The following DENND2B variants were observed in gnomAD, a reference collection of about 807,000 sequenced individuals.
The protein encoded by DENND2B is DENN domain containing 2B.
Under a neutral mutation model 116.0 loss-of-function variants are expected in DENND2B, and 32 were observed. The ratio of observed to expected loss-of-function variants is 0.28; its 90% confidence interval spans 0.21 to 0.37. The LOEUF is 0.37. Ranked by LOEUF, DENND2B falls within the 10% of genes least tolerant of loss-of-function variation. DENND2B has a pLI of 1.00. For missense variants in DENND2B, 1,276 were observed against 1,477.7 expected, an observed-to-expected ratio of 0.86 and a Z score of 2.24; for synonymous variants, 588 against 583.9, an observed-to-expected ratio of 1.01 and a Z score of -0.10.
At chr11:8,868,220 T>G (rs1317231021) in intron 2 of DENND2B, among the ~76,000 whole-genome samples, 1 of 152,246 alleles carries the variant, frequency 6.6e-6, no homozygotes, top group Admixed American at 6.5e-5. Flanking sequence ...AGACAGGAAT[T>G]GAAACACCCA....
In DENND2B at chr11:8,909,948, A is replaced by G. The variant is rs2064294615; in HGVS notation, c.-256+873T>C. On this transcript the variant is annotated intron_variant, in intron 1 of 22. Coordinates refer to the DENND2B transcript ENST00000534127. The stretch of plus-strand genomic sequence containing the variant: ...TTGCGCTGGGTGGTGCGGCTGAGTC[A>G]CTAATTAGCAGTGAGAGCCTGGGCT... 3.3e-5 allele frequency: 5 copies of G among 152,162 alleles called. No individual in the cohort carries two copies. The South Asian group carries it at 1.0e-3, about 32-fold the overall frequency. 9.4% of individuals were successfully genotyped at this position (152,162 alleles called of 1,614,324 possible).
chr11:8,860,036 T>C (rs1052074364), intron 2 of DENND2B, among the ~76,000 whole-genome samples: 1 of 151,864 alleles, frequency 6.6e-6, no homozygotes, highest in African/African-American at 2.4e-5. Flanking sequence ...GCATCAAAAC[T>C]TAGGAAGAAA....
At chr11:8,714,790 G>T (rs1285887541) in intron 6 of DENND2B, 84 bp from the exon 7 acceptor site, 14 of 1,159,464 alleles carry the variant, frequency 1.2e-5, no homozygotes, top group Non-Finnish European at 1.8e-5. Context: ...GCCCATCCCT[G>T]CCCTTAATGG....
At chr11:8,794,164 G>C (rs938639917) in intron 1 of DENND2B, among the ~76,000 whole-genome samples, 1 of 152,166 alleles carries the variant, frequency 6.6e-6, no homozygotes, top group Admixed American at 6.5e-5. Flanking sequence ...ACAAAAGTTA[G>C]CCAGATAGAC....
At chr11:8,843,236 G>A (rs1294767146) in intron 3 of DENND2B, among the ~76,000 whole-genome samples, 1 of 152,082 alleles carries the variant, frequency 6.6e-6, no homozygotes, top group Non-Finnish European at 1.5e-5. Context: ...TCGAACTCCT[G>A]ACCTCAGGTG....
chr11:8,723,055 G>A (rs1455230708), intron 4 of DENND2B, among the ~76,000 whole-genome samples: 1 of 152,028 alleles, frequency 6.6e-6, no homozygotes, highest in Non-Finnish European at 1.5e-5. Flanking sequence ...CCTCCCTAAT[G>A]AGTGGGGAGG....
intron 1 of DENND2B, among the ~76,000 whole-genome samples, chr11:8,806,809 T>C (rs554807916): frequency 6.6e-6 from 1 of 151,930 alleles, no homozygotes; most frequent in Admixed American, 6.6e-5. Flanking sequence ...AACAAATGCC[T>C]AGCCTCCCCA....
chr11:8,851,339 C>T (rs2063000258), intron 3 of DENND2B, among the ~76,000 whole-genome samples: 1 of 151,650 alleles, frequency 6.6e-6, no homozygotes, highest in Non-Finnish European at 1.5e-5. Context: ...ATAACAAAAA[C>T]ATGTAAATCA....
chr11:8,879,243 A>G (rs1171566170), intron 2 of DENND2B, among the ~76,000 whole-genome samples: 2 of 152,174 alleles, frequency 1.3e-5, no homozygotes, highest in East Asian at 1.9e-4. Flanking sequence ...AGAGATGTCC[A>G]TGCCTCTCTT....
At chr11:8,892,576 T>C (rs1368524511) in intron 1 of DENND2B, among the ~76,000 whole-genome samples, 2 of 152,102 alleles carry the variant, frequency 1.3e-5, no homozygotes, top group Admixed American at 1.3e-4. Flanking sequence ...TCACCACCGA[T>C]CCCACAGAAA....
At chr11:8,809,749 C>T (rs906237114) in intron 1 of DENND2B, 3 of 152,240 alleles carry the variant, frequency 2.0e-5, no homozygotes, top group Non-Finnish European at 2.9e-5. Context: ...CCCGGCACAA[C>T]TACAGTGCCT....
chr11:8,697,691 T>A, intron 16 of DENND2B, 55 bp from the exon 17 acceptor site: 19 of 1,172,804 alleles, frequency 1.6e-5, no homozygotes, highest in Non-Finnish European at 2.4e-5. Flanking sequence ...GCACTTACTA[T>A]GTGCTAAGAC....
chr11:8,883,994 T>G (rs2063930960), intron 1 of DENND2B, among the ~76,000 whole-genome samples: 1 of 152,264 alleles, frequency 6.6e-6, no homozygotes, highest in East Asian at 1.9e-4. Context: ...AATGGTTCTA[T>G]AGCCTTGGCT....
At chr11:8,890,057 G>A (rs918833036) in intron 1 of DENND2B, among the ~76,000 whole-genome samples, 1 of 152,282 alleles carries the variant, frequency 6.6e-6, no homozygotes, top group African/African-American at 2.4e-5. Flanking sequence ...CCAGGGGAAC[G>A]ATCAGGCAGC....
At chr11:8,718,806 T>C (rs888551180) in intron 4 of DENND2B, 33 of 1,003,974 alleles carry the variant, frequency 3.3e-5, no homozygotes, top group Non-Finnish European at 3.8e-5. Flanking sequence ...CTTGAAGATG[T>C]TGAGTGGCAC....
intron 1 of DENND2B, chr11:8,794,747 T>C (rs2059667191): frequency 6.6e-6 from 1 of 152,274 alleles, no homozygotes; most frequent in African/African-American, 2.4e-5. Context: ...CACTGCTCTG[T>C]GGGAACCATC....
chr11:8,694,180 C>T (rs2039899572), intron 19 of DENND2B, 50 bp from the exon 20 acceptor site: 1 of 1,601,406 alleles, frequency 6.2e-7, no homozygotes, highest in South Asian at 1.1e-5. Flanking sequence ...TCCCTTCCAA[C>T]CTCCACTCCC....
intron 3 of DENND2B, among the ~76,000 whole-genome samples, chr11:8,841,011 C>T (rs573104257): frequency 6.8e-4 from 104 of 152,288 alleles, no homozygotes; most frequent in African/African-American, 2.4e-3. Flanking sequence ...GCTGGACAGT[C>T]AAACTTCTCT....
intron 2 of DENND2B, among the ~76,000 whole-genome samples, chr11:8,740,637 A>G (rs1248690912): frequency 6.6e-6 from 1 of 152,232 alleles, no homozygotes; most frequent in Non-Finnish European, 1.5e-5. Context: ...TATGAGTGCC[A>G]TGAAGTGAGC....
Sources: allele counts gnomAD v4.1 joint callset (sites outside exome capture counted in the v4.1 genomes callset), GRCh38; gene constraint gnomAD v4.1.1; transcripts MANE v1.5; gene names NCBI Gene and HGNC (gene_info 2026-07-23, HGNC 2026-07-21).